GFRA2: variants seen among roughly 807,000 people sequenced by gnomAD.
GFRA2 encodes the protein GDNF family receptor alpha 2, also known as GDNF family receptor alpha-2.
Under a neutral mutation model 48.3 loss-of-function variants are expected in GFRA2, and 17 were observed. The observed-to-expected ratio is 0.35, with a 90% confidence interval of 0.24 to 0.53. The LOEUF (loss-of-function observed/expected upper bound fraction) is 0.53, where lower values mean the gene tolerates loss of function less well. GFRA2 is among the 20% of genes least tolerant of loss of function. The probability of loss-of-function intolerance (pLI) is 0.93; values close to 1 mark genes in which losing one functional copy is unlikely to be tolerated. For missense variants in GFRA2, 660 were observed against 637.3 expected (o/e 1.04, Z -0.38); for synonymous variants, 305 against 257.2 (o/e 1.19, Z -1.78).
intron 1 of GFRA2, among the ~76,000 whole-genome samples, chr8:21,787,550 G>T (rs1356261550): frequency 3.3e-5 from 5 of 152,152 alleles, no homozygotes; most frequent in Admixed American, 1.3e-4. Flanking sequence ...GGCTCAGGGC[G>T]TGGGGACGCG....
intron 3 of GFRA2, chr8:21,769,086 A>T: frequency 1.4e-6 from 1 of 718,178 alleles, no homozygotes; most frequent in South Asian, 6.3e-5. Flanking sequence ...ACTGAAAACA[A>T]GCCACTTAGG....
chr8:21,798,652 C>T (rs1234382493), intron 2 of GFRA2, among the ~76,000 whole-genome samples: 2 of 152,152 alleles, frequency 1.3e-5, no homozygotes, highest in South Asian at 2.1e-4. Context: ...GTAAGCAATG[C>T]CCTGCAGACG....
intron 4 of GFRA2, among the ~76,000 whole-genome samples, chr8:21,726,563 C>G (rs954256780): frequency 6.6e-6 from 1 of 152,098 alleles, no homozygotes; most frequent in African/African-American, 2.4e-5. Flanking sequence ...TTGCCTCTTC[C>G]GGCTTCTGGT....
intron 4 of GFRA2, among the ~76,000 whole-genome samples, chr8:21,748,008 G>A (rs1041556058): frequency 3.6e-4 from 54 of 151,808 alleles, no homozygotes; most frequent in African/African-American, 1.1e-3. Flanking sequence ...TCCACCGTTC[G>A]CTCCAAGCCT....
chr8:21,724,923 T>TGGGGACCCGTCCTCTAGTTCCAGTGG (rs1289832448), intron 4 of GFRA2, among the ~76,000 whole-genome samples: 2 of 152,154 alleles, frequency 1.3e-5, no homozygotes, highest in Non-Finnish European at 2.9e-5. Context: ...CCAGCAGCAA[T>TGGGGACCCGTCCTCTAGTTCCAGTGG]GGGGACCCGT....
chr8:21,772,322 A>C (rs1324595566), intron 3 of GFRA2, among the ~76,000 whole-genome samples: 1 of 151,926 alleles, frequency 6.6e-6, no homozygotes, highest in Non-Finnish European at 1.5e-5. Context: ...GGTTTTTTTG[A>C]GACAGGGTCT....
rs1563215441 is a variant in GFRA2 at position 21,702,826 on chromosome 8, G to A, written c.1197C>T (p.Ile399=). 3.1e-6 allele frequency: 5 copies of A among 1,608,852 alleles called. No individual in the cohort carries two copies. Among genetic ancestry groups the A allele is most frequent in the Non-Finnish European group, 4.2e-6 (5 of 1,177,450 alleles). The part of the protein sequence containing the change: ...SDSTSLGTSV[I]TTCTSVQEQG... Reference sequence around the variant, plus strand: ...TCACCTGGACAGACGTGCAGGTGGTGATGACACTGGTCCCCAAGCTGGTAC... The same window carrying A: ...TCACCTGGACAGACGTGCAGGTGGTAATGACACTGGTCCCCAAGCTGGTAC... Residue 399 remains isoleucine (I), a synonymous_variant, in exon 7 of 9, where the codon ATC becomes ATT. Transcript: ENST00000524240.
At position 21,766,733 on chromosome 8, in the gene GFRA2, C is replaced by A. The variant is rs1466307200; in HGVS notation, c.439+8239G>T. Among the ~76,000 whole-genome samples, 3 of 6,350 alleles carry A rather than the reference C, an allele frequency of 4.7e-4. No individual in the cohort carries two copies. In the Admixed American group the frequency reaches 4.7e-3, roughly 10 times the overall value. The allele number at this position is 6,350 out of a possible 152,430, so 4.2% of individuals were successfully genotyped here. Reference sequence around the variant, plus strand: ...GAGACTGTTCTGAGCCGCTCTGGCCCCTCCCTCCCTGTCCCTCCTTCCGTC... The same window carrying A: ...GAGACTGTTCTGAGCCGCTCTGGCCACTCCCTCCCTGTCCCTCCTTCCGTC... On this transcript the variant is annotated intron_variant, in intron 3 of 8. Coordinates refer to ENST00000524240, the MANE Select transcript of GFRA2 (RefSeq NM_001495.5).
At chr8:21,735,529 CG>C (rs1319247953) in intron 4 of GFRA2, among the ~76,000 whole-genome samples, 1 of 152,088 alleles carries the variant, frequency 6.6e-6, no homozygotes, top group East Asian at 1.9e-4. Context: ...TGTGTGGAGA[CG>C]AACCCTTCCC....
At position 21,788,201 on chromosome 8, in the gene GFRA2, T is replaced by C; in HGVS notation, c.-42A>G. 6.4e-7 allele frequency: 1 copy of C among 1,564,254 alleles called. No homozygotes were observed. The highest frequency in any genetic ancestry group is 1.2e-5 in the South Asian group (1 of 84,832). On this transcript the variant is annotated 5_prime_UTR_variant, in exon 1 of 9. Transcript: ENST00000524240. ...CGTTTTTTTGTCTTTCTCCCTTGGG[T>C]AAAAAAAAATAATAGTAGTAACAAC... is the stretch of plus-strand genomic sequence containing the variant.
intron 2 of GFRA2, among the ~76,000 whole-genome samples, chr8:21,776,390 AC>A (rs1806708707): frequency 6.7e-6 from 1 of 150,296 alleles, no homozygotes; most frequent in Non-Finnish European, 1.5e-5. Flanking sequence ...CCTAAAAGCA[AC>A]CCTCATGCCC....
chr8:21,695,677 A>G (rs955909172), intron 7 of GFRA2, among the ~76,000 whole-genome samples: 20 of 152,026 alleles, frequency 1.3e-4, no homozygotes, highest in African/African-American at 4.8e-4. Context: ...ACTCTTCCAG[A>G]CCCAAGGCCT....
Position 21,750,824 on chromosome 8 carries a change from G to A in GFRA2, c.558C>T (p.Asn186=), listed in dbSNP as rs774492736. The part of the protein sequence containing the change: ...KLRSSYISIC[N]REISPTERCN... ...AGCGCTCGGTGGGCGAGATCTCGCG[G>A]TTGCAGATGGAGATGTAGGAGGAGC... is the stretch of plus-strand genomic sequence containing the variant. The change falls in exon 4 of 9, where the codon AAC becomes AAT. Residue 186 remains asparagine (N), a synonymous_variant. Transcript: ENST00000524240. This position sits in a 1 kb window ranked among gnomAD's most constrained non-coding sequence, Gnocchi z 5.7. The A allele has an allele frequency of 1.9e-6, 3 of 1,613,808 alleles. No homozygotes were observed. The highest frequency in any genetic ancestry group is 2.7e-5 in the African/African-American group (2 of 74,936).
chr8:21,781,732 A>C (rs1313907915), intron 2 of GFRA2, among the ~76,000 whole-genome samples: 1 of 152,176 alleles, frequency 6.6e-6, no homozygotes, highest in East Asian at 1.9e-4. Flanking sequence ...CCTAGAGTGT[A>C]GCAGACAGTA....
intron 6 of GFRA2, among the ~76,000 whole-genome samples, chr8:21,704,690 G>A (rs1802652909): frequency 6.6e-6 from 1 of 152,198 alleles, no homozygotes; most frequent in African/African-American, 2.4e-5. Context: ...ATCCTCATGA[G>A]AGGGCTCAGT....
At chr8:21,716,056 C>G (rs948661223) in intron 4 of GFRA2, among the ~76,000 whole-genome samples, 5 of 152,170 alleles carry the variant, frequency 3.3e-5, no homozygotes, top group African/African-American at 4.8e-5. Context: ...GGCGCGGTGG[C>G]TCACGCCTGC....
intron 4 of GFRA2, among the ~76,000 whole-genome samples, chr8:21,731,433 A>C (rs1804188271): frequency 6.6e-6 from 1 of 152,148 alleles, no homozygotes; most frequent in Non-Finnish European, 1.5e-5. Context: ...TAACTCCAAA[A>C]GGCCTTCATA....
At chr8:21,791,561 G>A (rs1185194530), upstream of GFRA2, among the ~76,000 whole-genome samples, 8 of 152,054 alleles carry the variant, frequency 5.3e-5, no homozygotes, top group South Asian at 4.2e-4. Context: ...GCCTTGTGCC[G>A]GGATCTACAG....
Position 21,750,277 on chromosome 8 carries a change from T to C in GFRA2, c.794+311A>G, listed in dbSNP as rs1469100843. On this transcript the variant is annotated intron_variant, in intron 4 of 8. Transcript: ENST00000524240. The surrounding 1 kb of genome is among the most constrained non-coding windows in gnomAD (Gnocchi z 5.7). ...CCAAGACTCAAGGAGTCTGTGGTTT[T>C]AAATTATAAGCTCCTTGGGTTGTTC... is the stretch of plus-strand genomic sequence containing the variant. Among the ~76,000 whole-genome samples the C allele has an allele frequency of 6.6e-6, 1 of 152,160 alleles. No individual in the cohort carries two copies. Among genetic ancestry groups the C allele is most frequent in the African/African-American group, 2.4e-5 (1 of 41,436 alleles).
Sources: gnomAD v4.1 joint callset for allele counts (sites outside exome capture counted in the v4.1 genomes callset) on GRCh38, gnomAD v4.1.1 for gene constraint, Gnocchi (gnomAD v3.1) non-coding constraint, MANE v1.5 for transcripts, NCBI Gene and HGNC (gene_info 2026-07-23, HGNC 2026-07-21) for gene names.